NEK8: variants seen among roughly 807,000 people sequenced by gnomAD.
NEK8 encodes serine/threonine-protein kinase Nek8.
A neutral mutation model predicts 77.2 loss-of-function variants in NEK8; 51 were observed. The observed-to-expected ratio is 0.66, with a 90% CI of 0.53 to 0.83. The LOEUF is 0.83. NEK8 is among the 40% of genes least tolerant of loss of function. NEK8 has a pLI of 0.00. For synonymous variants in NEK8, 365 were observed against 363.2 expected (o/e 1.00, Z -0.06); for missense variants, 787 against 909.2 (o/e 0.87, Z 1.73).
In NEK8 at chr17:28,741,598, C is replaced by T. The variant is rs773315551; in HGVS notation, c.2050+27C>T. ...TGAGTTGTAACTTTTCCCACTTCAC[C>T]ACACAGCCCAGCTGGCCCCTGTCCA... is the stretch of plus-strand genomic sequence containing the variant. On this transcript the variant is annotated intron_variant, in intron 14 of 14. Transcript: ENST00000268766. The surrounding 1 kb of genome is among the most constrained non-coding windows in gnomAD (Gnocchi z 4.5). The T allele has an allele frequency of 6.2e-7, 1 of 1,613,140 alleles. No individual in the cohort carries two copies. Among genetic ancestry groups the T allele is most frequent in the South Asian group, 1.1e-5 (1 of 91,070 alleles).
At position 28,740,557 on chromosome 17, in the gene NEK8, C is replaced by A. The variant is rs2084351136; in HGVS notation, c.1512C>A (p.Ile504=). The change falls in exon 11 of 15, where the codon ATC becomes ATA. Residue 504 remains isoleucine, a synonymous_variant. Transcript: ENST00000268766. This position sits in a 1 kb window ranked among gnomAD's most constrained non-coding sequence, Gnocchi z 4.7. ...GQEAQRVVCG[I]DSSMILTVPG... ...AAGCTCAGCGAGTTGTATGTGGTAT[C>A]GATTCCTCCATGATCCTCACTGTGC... 15 of 1,614,138 alleles carry A rather than the reference C, an allele frequency of 9.3e-6. No individual in the cohort carries two copies. The highest frequency in any genetic ancestry group is 1.3e-5 in the Non-Finnish European group (15 of 1,179,986).
In NEK8 at chr17:28,738,336, C is replaced by T. The variant is rs959538865; in HGVS notation, c.1222+91C>T. ...TTGCAAAACACGCACTTAATGAATG[C>T]TTCTGTCTACTAGTTATCGAGTTAT... On this transcript the variant is annotated intron_variant, in intron 8 of 14. Coordinates refer to ENST00000268766, the MANE Select transcript of NEK8 (RefSeq NM_178170.3). The T allele has an allele frequency of 4.9e-5, 69 of 1,411,318 alleles. No homozygotes were observed. The African/African-American group carries it at 8.9e-4, about 18-fold the overall frequency. The allele number at this position is 1,411,318 out of a possible 1,614,324, so 87.4% of individuals were successfully genotyped here. A position where few individuals can be genotyped will look rare whatever the true frequency, so the allele number is the denominator to read the frequency against.
chr17:28,729,145 G>A (rs1001389577), intron 1 of NEK8, among the ~76,000 whole-genome samples: 16 of 152,280 alleles, frequency 1.1e-4, no homozygotes, highest in African/African-American at 3.9e-4. Context: ...TGGCCGCTGG[G>A]TATATAGTTA....
At chr17:28,734,402 G>C (rs958582567) in intron 2 of NEK8, 1 of 604,502 alleles carries the variant, frequency 1.7e-6, no homozygotes, top group Non-Finnish European at 2.9e-6. Flanking sequence ...GGGCACGGTG[G>C]CTCATGCCTG....
intron 9 of NEK8, 82 bp from the exon 10 acceptor site, chr17:28,739,002 A>G: frequency 9.8e-7 from 1 of 1,023,292 alleles, no homozygotes; most frequent in Non-Finnish European, 1.6e-6. Flanking sequence ...TGTAGCCTCC[A>G]GCTTTGTCCC....
In NEK8 at chr17:28,741,300, C is replaced by T. The variant is rs965234858; in HGVS notation, c.1891+64C>T. 2.7e-5 allele frequency: 43 copies of T among 1,594,654 alleles called. No homozygotes were observed. Among genetic ancestry groups the T allele is most frequent in the Admixed American group, 1.0e-4 (6 of 58,570 alleles). On this transcript the variant is annotated intron_variant, in intron 13 of 14. Transcript: ENST00000268766. The surrounding 1 kb of genome is among the most constrained non-coding windows in gnomAD (Gnocchi z 4.5). ...GCAGTGGGGGGTGGGGGTTGCTATT[C>T]AGGGCCACTGGACTCTGGAGCCTCC...
In NEK8 at chr17:28,740,392, G is replaced by T; in HGVS notation, c.1418-71G>T. ...GAACTCATGCTGTTCCCTCCCCTCA[G>T]TGGGCCCTCCTCATTCGGGCATCAC... On this transcript the variant is annotated intron_variant, in intron 10 of 14. Coordinates refer to ENST00000268766, the MANE Select transcript of NEK8 (RefSeq NM_178170.3). The surrounding 1 kb of genome is among the most constrained non-coding windows in gnomAD (Gnocchi z 4.7). 7.3e-7 allele frequency: 1 copy of T among 1,367,494 alleles called. No homozygotes were observed. Among genetic ancestry groups the T allele is most frequent in the Non-Finnish European group, 1.0e-6 (1 of 955,402 alleles). The allele number at this position is 1,367,494 out of a possible 1,614,324, so 84.7% of individuals were successfully genotyped here.
At chr17:28,733,212 A>G (rs1470497356) in intron 1 of NEK8, among the ~76,000 whole-genome samples, 1 of 152,074 alleles carries the variant, frequency 6.6e-6, no homozygotes. Flanking sequence ...TTCTGATTTT[A>G]ATAACTGGAG....
In NEK8 at chr17:28,737,106, C is replaced by G. The variant is rs1401692079; in HGVS notation, c.619-200C>G. On this transcript the variant is annotated intron_variant, in intron 4 of 14. Transcript: ENST00000268766. This position sits in a 1 kb window ranked among gnomAD's most constrained non-coding sequence, Gnocchi z 4.8. The stretch of plus-strand genomic sequence containing the variant: ...AGATGTGTGGCATTATTTCTGAGGG[C>G]TCTGTTCTGTTCCATTGGTCTATAT... 4.1e-3 allele frequency among the ~76,000 whole-genome samples: 503 copies of G among 123,464 alleles called. No individual in the cohort carries two copies. Among genetic ancestry groups the G allele is most frequent in the South Asian group, 8.3e-3 (30 of 3,624 alleles). 81.0% of individuals were successfully genotyped at this position (123,464 alleles called of 152,430 possible).
Position 28,735,003 on chromosome 17 carries a change from C to A in NEK8, c.485C>A (p.Thr162Lys). Reference sequence around the variant, plus strand: ...CTTAGCAGCAAGAGCAAGGCCTACACGGTGCCTGGGCATGGAAGGGACCTC... The same window carrying A: ...CTTAGCAGCAAGAGCAAGGCCTACAAGGTGCCTGGGCATGGAAGGGACCTC... Reference protein sequence around the residue: ...KILSSKSKAYTVVGTPCYISP... With the variant: ...KILSSKSKAYKVVGTPCYISP... The change falls in exon 3 of 15, where the codon ACG (threonine) becomes AAG (lysine). Residue 162 changes from threonine (T) to lysine (K), a missense_variant and splice_region_variant. By Grantham distance (78) the Thr-to-Lys change is moderately conservative. Coordinates refer to ENST00000268766, the MANE Select transcript of NEK8 (RefSeq NM_178170.3). 1 of 1,608,004 alleles carries A rather than the reference C, an allele frequency of 6.2e-7. No homozygotes were observed. Among genetic ancestry groups the A allele is most frequent in the Non-Finnish European group, 8.5e-7 (1 of 1,176,902 alleles).
Position 28,742,217 on chromosome 17 carries a change from T to G in NEK8, c.*230T>G. ...CCTACCCCTTCCTCCCTTCAGTCAG[T>G]GTCCCCAGGGTCCAGCCTGGCTAGA... On this transcript the variant is annotated 3_prime_UTR_variant, in exon 15 of 15. Transcript: ENST00000268766. 4.7e-6 allele frequency: 3 copies of G among 640,148 alleles called. No individual in the cohort carries two copies. The highest frequency in any genetic ancestry group is 3.5e-5 in the South Asian group (2 of 57,602). The allele number at this position is 640,148 out of a possible 1,614,324, so 39.7% of individuals were successfully genotyped here.
At chr17:28,735,753 G>A (rs1240960365) in intron 4 of NEK8, among the ~76,000 whole-genome samples, 1 of 151,892 alleles carries the variant, frequency 6.6e-6, no homozygotes, top group African/African-American at 2.4e-5. Flanking sequence ...GTCTCCTGAG[G>A]GCAAAGCTGT....
At position 28,741,313 on chromosome 17, in the gene NEK8, C is replaced by T; in HGVS notation, c.1891+77C>T. 6.3e-7 allele frequency: 1 copy of T among 1,596,524 alleles called. No homozygotes were observed. Among genetic ancestry groups the T allele is most frequent in the Non-Finnish European group, 8.5e-7 (1 of 1,170,038 alleles). On this transcript the variant is annotated intron_variant, in intron 13 of 14. Transcript: ENST00000268766. This position sits in a 1 kb window ranked among gnomAD's most constrained non-coding sequence, Gnocchi z 4.5. ...GGGGTTGCTATTCAGGGCCACTGGA[C>T]TCTGGAGCCTCCCAGGGGCCATCCT...
chr17:28,730,102 G>C (rs1033347088), intron 1 of NEK8, among the ~76,000 whole-genome samples: 1 of 152,052 alleles, frequency 6.6e-6, no homozygotes, highest in African/African-American at 2.4e-5. Context: ...TGCCACAAAC[G>C]GTTTTGTTTT....
chr17:28,728,796 G>C lies in NEK8; in HGVS notation c.-18G>C. The C allele has an allele frequency of 1.3e-6, 2 of 1,550,792 alleles. No homozygotes were observed. Among genetic ancestry groups the C allele is most frequent in the Non-Finnish European group, 1.7e-6 (2 of 1,146,286 alleles). The stretch of plus-strand genomic sequence containing the variant: ...CACGCGCCGCGTGGGGGACGGAAGT[G>C]AAACTCTAAGAAATGAGATGGAGAA... On this transcript the variant is annotated 5_prime_UTR_variant, in exon 1 of 15. Transcript: ENST00000268766.
chr17:28,729,673 G>T (rs2034288001), intron 1 of NEK8, among the ~76,000 whole-genome samples: 1 of 151,842 alleles, frequency 6.6e-6, no homozygotes, highest in Non-Finnish European at 1.5e-5. Context: ...CTCCCGAGTA[G>T]CTGGGACTAC....
Position 28,740,187 on chromosome 17 carries a change from G to A in NEK8, c.1418-276G>A, listed in dbSNP as rs1192067186. Among the ~76,000 whole-genome samples the A allele has an allele frequency of 6.6e-6, 1 of 152,162 alleles. No homozygotes were observed. The highest frequency in any genetic ancestry group is 2.4e-5 in the African/African-American group (1 of 41,440). On this transcript the variant is annotated intron_variant, in intron 10 of 14. Transcript: ENST00000268766. This position sits in a 1 kb window ranked among gnomAD's most constrained non-coding sequence, Gnocchi z 4.7. ...TAATCCCGGCTACTCAGGAGGCTGA[G>A]GCAGGAGAATCGCTTGAACCCAGGA...
At chr17:28,738,777 A>T (rs1381665547) in intron 9 of NEK8, 30 bp downstream of exon 9, 11 of 1,568,222 alleles carry the variant, frequency 7.0e-6, no homozygotes, top group Non-Finnish European at 9.7e-6. Flanking sequence ...TGGGAAGGGG[A>T]AGTCGGGGGA....
In NEK8 at chr17:28,741,667, C is replaced by A; in HGVS notation, c.2050+96C>A. The A allele has an allele frequency of 7.3e-7, 1 of 1,366,278 alleles. No individual in the cohort carries two copies. Among genetic ancestry groups the A allele is most frequent in the Non-Finnish European group, 1.0e-6 (1 of 959,226 alleles). The allele number at this position is 1,366,278 out of a possible 1,614,324, so 84.6% of individuals were successfully genotyped here. A position where few individuals can be genotyped will look rare whatever the true frequency, so the allele number is the denominator to read the frequency against. Reference sequence around the variant, plus strand: ...TCACAGATGGCCACATCACCAAAAGCATCTTTAGCCCCCAGATAAAAAAAG... The same window carrying A: ...TCACAGATGGCCACATCACCAAAAGAATCTTTAGCCCCCAGATAAAAAAAG... On this transcript the variant is annotated intron_variant, in intron 14 of 14. Transcript: ENST00000268766. This position sits in a 1 kb window ranked among gnomAD's most constrained non-coding sequence, Gnocchi z 4.5.
Sources: allele counts gnomAD v4.1 joint callset (sites outside exome capture counted in the v4.1 genomes callset), GRCh38; gene constraint gnomAD v4.1.1; non-coding constraint Gnocchi (gnomAD v3.1); transcripts MANE v1.5; gene names NCBI Gene and HGNC (gene_info 2026-07-23, HGNC 2026-07-21).